REV1: variants seen among roughly 807,000 people sequenced by gnomAD.
REV1 encodes the protein translesion synthesis protein REV1.
A neutral mutation model predicts 137.4 loss-of-function variants in REV1; 42 were observed. The observed-to-expected ratio is 0.31, with a 90% CI of 0.24 to 0.40. REV1 has a LOEUF of 0.40. Among genes scored for constraint, REV1 ranks in the 10% least tolerant of loss-of-function variants. The pLI is 1.00. For missense variants in REV1, 1,282 were observed against 1,490.1 expected (o/e 0.86, Z 2.30); for synonymous variants, 524 against 519.2 (o/e 1.01, Z -0.12).
chr2:99,451,724 C>T (rs557299548), intron 3 of REV1, among the ~76,000 whole-genome samples: 2 of 152,168 alleles, frequency 1.3e-5, no homozygotes, highest in Admixed American at 1.3e-4. Context: ...CACACTAGAA[C>T]TCCTTTCGAG....
chr2:99,450,105 G>A (rs28369962), intron 3 of REV1, among the ~76,000 whole-genome samples: 69 of 151,690 alleles, frequency 4.5e-4, no homozygotes, highest in African/African-American at 1.6e-3. Flanking sequence ...TTTCATTAAG[G>A]CCAAAAAATA....
intron 1 of REV1, among the ~76,000 whole-genome samples, chr2:99,481,062 TGTTA>T (rs1308782511): frequency 2.0e-5 from 3 of 152,220 alleles, no homozygotes; most frequent in Non-Finnish European, 4.4e-5. Flanking sequence ...AAACTTGAAG[TGTTA>T]GTAACTTTGA....
intron 1 of REV1, among the ~76,000 whole-genome samples, chr2:99,467,651 C>T (rs190601027): frequency 2.6e-5 from 4 of 152,268 alleles, no homozygotes; most frequent in East Asian, 1.9e-4. Context: ...TAAAGATTGC[C>T]GCAATTGCTA....
chr2:99,421,076 TG>T (rs1243567717), intron 11 of REV1, among the ~76,000 whole-genome samples: 6 of 152,144 alleles, frequency 3.9e-5, no homozygotes, highest in Non-Finnish European at 1.5e-5. Flanking sequence ...TGAGAGCACT[TG>T]GAGTCAGGGT....
chr2:99,442,839 A>C (rs960461788), intron 4 of REV1, among the ~76,000 whole-genome samples: 5 of 152,214 alleles, frequency 3.3e-5, no homozygotes, highest in Non-Finnish European at 5.9e-5. Context: ...GTAAAATAAA[A>C]ATATAGGACA....
chr2:99,474,855 T>C (rs1285241326), intron 1 of REV1, among the ~76,000 whole-genome samples: 1 of 151,874 alleles, frequency 6.6e-6, no homozygotes, highest in Non-Finnish European at 1.5e-5. Context: ...TGAGCCGAGA[T>C]TGTGCCACTA....
chr2:99,401,362 G>A lies in REV1; in HGVS notation c.3645-10C>T, dbSNP rs757925939. 3.2e-5 allele frequency: 51 copies of A among 1,580,456 alleles called. No individual in the cohort carries two copies. The highest frequency in any genetic ancestry group is 4.2e-5 in the Non-Finnish European group (48 of 1,150,412). ...CGATTGCTGCATCAGCCTAAAGGTG[G>A]GGAGAGAAGAAATGTCATTAGGAAT... On this transcript the variant is annotated splice_polypyrimidine_tract_variant and intron_variant, in intron 22 of 22. Coordinates refer to ENST00000258428, the MANE Select transcript of REV1 (RefSeq NM_016316.4).
intron 4 of REV1, among the ~76,000 whole-genome samples, chr2:99,443,386 C>T (rs932591046): frequency 6.6e-6 from 1 of 151,940 alleles, no homozygotes; most frequent in African/African-American, 2.4e-5. Flanking sequence ...CTCATAAATC[C>T]AAGACTTGAC....
intron 13 of REV1, 67 bp downstream of exon 13, chr2:99,412,664 T>G (rs1575005338): frequency 8.6e-7 from 1 of 1,165,630 alleles, no homozygotes; most frequent in Non-Finnish European, 1.3e-6. Flanking sequence ...ATGGTTTAGT[T>G]GTAGAGGTAG....
In REV1 at chr2:99,468,620, C is replaced by G. The variant is rs1360467142; in HGVS notation, c.-10-3635G>C. ...ATTTAATTCCACATAACTTGATGAC[C>G]TTGAGGAATGTGATAACAGTTTCTG... is the stretch of plus-strand genomic sequence containing the variant. On this transcript the variant is annotated intron_variant, in intron 1 of 22. Coordinates refer to ENST00000258428, the MANE Select transcript of REV1 (RefSeq NM_016316.4). 2.0e-5 allele frequency among the ~76,000 whole-genome samples: 3 copies of G among 152,306 alleles called. No individual in the cohort carries two copies. In the East Asian group the frequency reaches 5.8e-4, roughly 29 times the overall value.
At chr2:99,459,714 GAAAC>G (rs1396903163) in intron 3 of REV1, among the ~76,000 whole-genome samples, 2 of 151,982 alleles carry the variant, frequency 1.3e-5, no homozygotes, top group Non-Finnish European at 2.9e-5. Flanking sequence ...TCAAAACAAA[GAAAC>G]AAACAAAACA....
intron 8 of REV1, among the ~76,000 whole-genome samples, chr2:99,432,901 G>A (rs1463921901): frequency 2.0e-5 from 3 of 152,124 alleles, no homozygotes; most frequent in Non-Finnish European, 4.4e-5. Context: ...AAGAGGACTA[G>A]CTCTCTGCTA....
Position 99,487,120 on chromosome 2 carries a change from G to GTAA in REV1, c.-11+2694_-11+2696dup, listed in dbSNP as rs1310781162. Among the ~76,000 whole-genome samples the GTAA allele has an allele frequency of 5.3e-5, 8 of 152,184 alleles. No individual in the cohort carries two copies. In the East Asian group the frequency reaches 1.5e-3, roughly 29 times the overall value. ...AAGGGGTGGTCCAGCTAAAAGAATA[G>GTAA]TAAGTATAACATCCTAAGGAAGAAA... On this transcript the variant is annotated intron_variant, in intron 1 of 22. Coordinates refer to ENST00000258428, the MANE Select transcript of REV1 (RefSeq NM_016316.4).
chr2:99,477,951 G>A (rs1452445372), intron 1 of REV1, among the ~76,000 whole-genome samples: 1 of 152,220 alleles, frequency 6.6e-6, no homozygotes, highest in Non-Finnish European at 1.5e-5. Context: ...GTACCTAGGA[G>A]GCTAGGCACA....
chr2:99,405,947 C>T lies in REV1; in HGVS notation c.2774G>A (p.Arg925Lys). The T allele has an allele frequency of 6.2e-7, 1 of 1,608,342 alleles. No homozygotes were observed. The highest frequency in any genetic ancestry group is 1.1e-5 in the South Asian group (1 of 89,748). ...CGGGACCTCTATACTCAGGTTAAGT[C>T]TCGACTGCACACTGACAGGAGTATG... is the stretch of plus-strand genomic sequence containing the variant. ...GLHTPVSVQS[R>K]LNLSIEVPSP... Residue 925 changes from arginine (R) to lysine (K), a missense_variant, in exon 17 of 23, where the codon AGA becomes AAA. Physicochemically the swap from Arg to Lys is conservative, Grantham distance 26 (BLOSUM62 2). Transcript: ENST00000258428.
chr2:99,466,443 T>C (rs1029477612), intron 1 of REV1, among the ~76,000 whole-genome samples: 4 of 151,984 alleles, frequency 2.6e-5, no homozygotes, highest in Admixed American at 1.3e-4. Context: ...GGTTTCACCA[T>C]GTTGGCCAGG....
chr2:99,465,036 C>T (rs1684641861), intron 1 of REV1, 51 bp from the exon 2 acceptor site: 1 of 1,365,418 alleles, frequency 7.3e-7, no homozygotes. Flanking sequence ...TAATGTATTT[C>T]TAAATGATAT....
intron 1 of REV1, among the ~76,000 whole-genome samples, chr2:99,467,760 C>T (rs1046512757): frequency 2.0e-5 from 3 of 152,170 alleles, no homozygotes; most frequent in Admixed American, 1.3e-4. Context: ...TTAAGGTGAT[C>T]GTGGGCCAGG....
chr2:99,410,155 C>T (rs1407806208), intron 14 of REV1, among the ~76,000 whole-genome samples: 2 of 151,924 alleles, frequency 1.3e-5, no homozygotes, highest in African/African-American at 4.8e-5. Context: ...GGACTACAGG[C>T]GAATGCCACC....
Sources: allele counts gnomAD v4.1 joint callset (sites outside exome capture counted in the v4.1 genomes callset), GRCh38; gene constraint gnomAD v4.1.1; transcripts MANE v1.5; gene names NCBI Gene and HGNC (gene_info 2026-07-23, HGNC 2026-07-21).